The following RABGAP1L variants were observed in gnomAD, a reference collection of about 807,000 sequenced individuals.
The protein encoded by RABGAP1L is RAB GTPase activating protein 1 like.
A neutral mutation model predicts 137.7 loss-of-function variants in RABGAP1L; 63 were observed. That is an observed-to-expected ratio of 0.46 (90% CI 0.37 to 0.56). The LOEUF is 0.56. RABGAP1L is among the 20% of genes least tolerant of loss of function. The pLI is 0.00. For missense variants in RABGAP1L, 1,095 were observed against 1,244.0 expected, an observed-to-expected ratio of 0.88 and a Z score of 1.80; for synonymous variants, 431 against 433.7, an observed-to-expected ratio of 0.99 and a Z score of 0.08.
chr1:174,885,817 AT>A (rs1655000870), intron 19 of RABGAP1L, among the ~76,000 whole-genome samples: 1 of 151,926 alleles, frequency 6.6e-6, no homozygotes. Context: ...AATACAAAAA[AT>A]TAGCCGGGCA....
At chr1:174,850,755 A>T (rs1648166946) in intron 19 of RABGAP1L, among the ~76,000 whole-genome samples, 1 of 152,220 alleles carries the variant, frequency 6.6e-6, no homozygotes, top group South Asian at 2.1e-4. Context: ...AGGAAATTCA[A>T]GCCTACATTA....
chr1:174,643,568 A>G (rs935833536), intron 14 of RABGAP1L, among the ~76,000 whole-genome samples: 6 of 152,152 alleles, frequency 3.9e-5, no homozygotes, highest in African/African-American at 1.4e-4. Flanking sequence ...TTGGAGAACC[A>G]TCCTACTGTG....
chr1:174,664,856 G>A (rs1676666287), intron 14 of RABGAP1L, among the ~76,000 whole-genome samples: 1 of 149,594 alleles, frequency 6.7e-6, no homozygotes, highest in East Asian at 2.0e-4. Flanking sequence ...TCCTGCCTCA[G>A]CCTCCCAAGT....
intron 13 of RABGAP1L, among the ~76,000 whole-genome samples, chr1:174,622,435 C>T (rs1024492415): frequency 6.6e-6 from 1 of 152,124 alleles, no homozygotes; most frequent in Admixed American, 6.6e-5. Context: ...TTCACAATAG[C>T]AAAGACTTGG....
At chr1:174,927,481 T>A (rs956520551) in intron 19 of RABGAP1L, among the ~76,000 whole-genome samples, 1 of 152,176 alleles carries the variant, frequency 6.6e-6, no homozygotes, top group Admixed American at 6.5e-5. Context: ...CCTCCTGCCT[T>A]GGTCTCCCAA....
intron 5 of RABGAP1L, chr1:174,246,480 A>T (rs1326618583): frequency 6.6e-6 from 1 of 152,212 alleles, no homozygotes; most frequent in Non-Finnish European, 1.5e-5. Context: ...TTCTACATCC[A>T]TGGAGTCAAC....
rs967288745 is a variant in RABGAP1L at position 174,579,143 on chromosome 1, T to G, written c.1711-58232T>G. ...ACATTTGCATAGTTATATTTAATGTTGAGTACAATGTTGTAAACTGGAGAT... is the reference window on the plus strand; with the variant it reads ...ACATTTGCATAGTTATATTTAATGTGGAGTACAATGTTGTAAACTGGAGAT... On this transcript the variant is annotated intron_variant, in intron 13 of 25. Transcript: ENST00000681986. 2.6e-5 allele frequency among the ~76,000 whole-genome samples: 4 copies of G among 152,240 alleles called. No individual in the cohort carries two copies. In the South Asian group the frequency reaches 8.3e-4, roughly 32 times the overall value.
At chr1:174,965,740 A>T (rs763564450) in intron 20 of RABGAP1L, among the ~76,000 whole-genome samples, 13 of 152,220 alleles carry the variant, frequency 8.5e-5, no homozygotes, top group Non-Finnish European at 1.6e-4. Context: ...CTGTGAGTGC[A>T]GAGCAGGAGT....
chr1:174,281,676 T>G (rs556596523), intron 10 of RABGAP1L, among the ~76,000 whole-genome samples: 1 of 152,358 alleles, frequency 6.6e-6, no homozygotes, highest in East Asian at 1.9e-4. Context: ...AGTAGGCCCC[T>G]GGCCATGTGA....
intron 19 of RABGAP1L, among the ~76,000 whole-genome samples, chr1:174,887,160 C>T (rs767303021): frequency 6.6e-6 from 1 of 152,144 alleles, no homozygotes; most frequent in Non-Finnish European, 1.5e-5. Flanking sequence ...AAGGCCACTT[C>T]CAACATCCTG....
At chr1:174,490,582 C>T (rs1284292613) in intron 13 of RABGAP1L, among the ~76,000 whole-genome samples, 2 of 152,192 alleles carry the variant, frequency 1.3e-5, no homozygotes, top group East Asian at 1.9e-4. Flanking sequence ...ACCAGGTTAT[C>T]GCCTATGTTC....
At chr1:174,272,227 A>C (rs1674612140) in intron 7 of RABGAP1L, among the ~76,000 whole-genome samples, 187 bp from the exon 8 acceptor site, 1 of 151,994 alleles carries the variant, frequency 6.6e-6, no homozygotes, top group East Asian at 1.9e-4. Context: ...AATTTAGATG[A>C]CTTATTTCTG....
intron 1 of RABGAP1L, among the ~76,000 whole-genome samples, chr1:174,169,718 A>ATC (rs1665191062): frequency 6.7e-6 from 1 of 149,266 alleles, no homozygotes; most frequent in Non-Finnish European, 1.5e-5. Flanking sequence ...GAGACAGGGT[A>ATC]TCTCTCTGTT....
At chr1:174,306,003 G>A (rs1678203042) in intron 11 of RABGAP1L, among the ~76,000 whole-genome samples, 1 of 152,120 alleles carries the variant, frequency 6.6e-6, no homozygotes. Flanking sequence ...CTATGAGTGA[G>A]AACATGCGGT....
chr1:174,815,251 T>G (rs1222891598), intron 19 of RABGAP1L, among the ~76,000 whole-genome samples: 1 of 152,150 alleles, frequency 6.6e-6, no homozygotes, highest in Non-Finnish European at 1.5e-5. Context: ...CATCATGCCA[T>G]CATTACAGCA....
intron 11 of RABGAP1L, among the ~76,000 whole-genome samples, chr1:174,329,910 AAAG>A (rs1680874594): frequency 6.6e-6 from 1 of 150,872 alleles, no homozygotes; most frequent in Non-Finnish European, 1.5e-5. Flanking sequence ...TTTTTTAAAA[AAAG>A]ACTGATTTGA....
At chr1:174,551,327 G>A (rs1666533257) in intron 13 of RABGAP1L, among the ~76,000 whole-genome samples, 1 of 151,904 alleles carries the variant, frequency 6.6e-6, no homozygotes, top group South Asian at 2.1e-4. Context: ...ATATTTAAAA[G>A]AATTGAAATC....
rs1571776269 is a variant in RABGAP1L, at chr1:174,250,327, A to G, written c.718-148A>G. The G allele has an allele frequency of 1.8e-5, 9 of 508,228 alleles. No homozygotes were observed. The East Asian group carries it at 2.9e-4, about 16-fold the overall frequency. 31.5% of individuals were successfully genotyped at this position (508,228 alleles called of 1,614,324 possible). A position where few individuals can be genotyped will look rare whatever the true frequency, so the allele number is the denominator to read the frequency against. On this transcript the variant is annotated intron_variant, in intron 5 of 25. Transcript: ENST00000681986. ...AATGTTGTCATGTAATATCTAAACAATGATAAATACTTAGACTATATATAA... is the reference window on the plus strand; with the variant it reads ...AATGTTGTCATGTAATATCTAAACAGTGATAAATACTTAGACTATATATAA...
At chr1:174,598,274 G>C (rs1410191920) in intron 13 of RABGAP1L, among the ~76,000 whole-genome samples, 5 of 148,276 alleles carry the variant, frequency 3.4e-5, no homozygotes, top group African/African-American at 1.0e-4. Flanking sequence ...GTTGCAGTGA[G>C]CCGAGATCGC....
Sources: allele counts gnomAD v4.1 joint callset (sites outside exome capture counted in the v4.1 genomes callset), GRCh38; gene constraint gnomAD v4.1.1; transcripts MANE v1.5; gene names NCBI Gene and HGNC (gene_info 2026-07-23, HGNC 2026-07-21).